EPG5: variants seen among roughly 807,000 people sequenced by gnomAD.
EPG5 encodes ectopic P-granules 5 autophagy tethering factor.
EPG5 carries 159 observed loss-of-function variants against 302.7 expected under a neutral mutation model. The observed-to-expected ratio is 0.53, with a 90% confidence interval of 0.46 to 0.60. The LOEUF is 0.60. Ranked by LOEUF, EPG5 falls within the 20% of genes least tolerant of loss-of-function variation. The pLI is 0.00. For synonymous variants in EPG5, 1,158 were observed against 1,136.8 expected (o/e 1.02, Z -0.37); for missense variants, 2,896 against 3,092.4 (o/e 0.94, Z 1.51).
At chr18:45,824,221 T>C in the EPG5 span, among the ~76,000 whole-genome samples, 8 of 152,096 alleles carry the variant, frequency 5.3e-5, no homozygotes, top group African/African-American at 1.9e-4. Context: ...TTTTATTTTT[T>C]TTTGAGACGG....
chr18:45,852,693 A>ACCTC, intron 43 of EPG5, 44 bp from the exon 44 acceptor site: 1 of 1,538,012 alleles, frequency 6.5e-7, no homozygotes, highest in Non-Finnish European at 8.9e-7. Context: ...ATAGAGGCAC[A>ACCTC]TAATGTGACT....
intron 30 of EPG5, among the ~76,000 whole-genome samples, chr18:45,883,006 T>C (rs1327174059): frequency 8.5e-6 from 1 of 117,952 alleles, no homozygotes; most frequent in African/African-American, 4.0e-5. Flanking sequence ...AAACTGCGTC[T>C]CACAACAAAA....
chr18:45,908,874 G>A (rs57484487), intron 23 of EPG5, among the ~76,000 whole-genome samples: 32,132 of 151,732 alleles, frequency 0.21, 3,781 homozygotes, highest in Admixed American at 0.32. Flanking sequence ...ACTTGAACCC[G>A]GAAGGCAGAG....
chr18:45,809,463 T>C, the EPG5 span, among the ~76,000 whole-genome samples: 2 of 152,206 alleles, frequency 1.3e-5, no homozygotes, highest in Admixed American at 6.5e-5. Context: ...ATAGACCATA[T>C]GATAGGCCAC....
rs372157962 is a variant in EPG5, at chr18:45,882,259, A to C, written c.5518+15T>G. 2.5e-6 allele frequency: 4 copies of C among 1,592,766 alleles called. No homozygotes were observed. Among genetic ancestry groups the C allele is most frequent in the Admixed American group, 3.3e-5 (2 of 59,794 alleles). The stretch of plus-strand genomic sequence containing the variant: ...ACTAAGATCTAGTTAGTTACAATTA[A>C]ATGAAGACACTTACTTTGCATAAGC... On this transcript the variant is annotated intron_variant, in intron 31 of 43. Coordinates refer to ENST00000282041, the MANE Select transcript of EPG5 (RefSeq NM_020964.3).
At chr18:45,912,537 A>G (rs2049929948) in intron 21 of EPG5, 81 bp from the exon 22 acceptor site, 3 of 1,276,464 alleles carry the variant, frequency 2.4e-6, no homozygotes, top group Non-Finnish European at 2.2e-6. Context: ...GATCCAACTG[A>G]AACACCAAAC....
intron 23 of EPG5, among the ~76,000 whole-genome samples, chr18:45,910,218 A>G (rs1039577074): frequency 2.0e-5 from 3 of 152,066 alleles, no homozygotes; most frequent in Non-Finnish European, 4.4e-5. Flanking sequence ...GCAGGCTTTA[A>G]TAGTTGTTTA....
intron 10 of EPG5, among the ~76,000 whole-genome samples, chr18:45,935,497 G>A (rs995054721): frequency 1.3e-5 from 2 of 152,116 alleles, no homozygotes; most frequent in East Asian, 1.9e-4. Flanking sequence ...AGCCAAGATC[G>A]CACCATTGTA....
intron 36 of EPG5, chr18:45,868,265 C>T: frequency 6.7e-6 from 3 of 445,088 alleles, no homozygotes; most frequent in South Asian, 4.7e-5. Flanking sequence ...GCTGATGCTG[C>T]TGTCCCAGGG....
chr18:45,893,321 T>C (rs1248399275), intron 27 of EPG5, among the ~76,000 whole-genome samples: 1 of 152,126 alleles, frequency 6.6e-6, no homozygotes, highest in Non-Finnish European at 1.5e-5. Context: ...TCCCAGCACT[T>C]TGGGAGGCCA....
intron 24 of EPG5, among the ~76,000 whole-genome samples, chr18:45,906,655 A>T (rs1001018126): frequency 1.4e-5 from 2 of 143,580 alleles, no homozygotes; most frequent in Middle Eastern, 3.4e-3. Context: ...CACTCTCGTA[A>T]TTTTTTTTTT....
At chr18:45,942,261 C>G (rs2050684442) in intron 9 of EPG5, among the ~76,000 whole-genome samples, 1 of 151,986 alleles carries the variant, frequency 6.6e-6, no homozygotes, top group Non-Finnish European at 1.5e-5. Context: ...TTTAGGGCAT[C>G]CTATAATCAC....
At chr18:45,807,396 C>T in the EPG5 span, among the ~76,000 whole-genome samples, 1 of 152,196 alleles carries the variant, frequency 6.6e-6, no homozygotes. Context: ...CTCTGGAAAG[C>T]GCCACCTCCT....
At chr18:45,837,700 C>A in the EPG5 span, 1 of 1,479,354 alleles carries the variant, frequency 6.8e-7, no homozygotes. Flanking sequence ...CGGCGCGGGG[C>A]AGCGAGCTCT....
chr18:45,903,407 C>T (rs1354306115), intron 25 of EPG5, among the ~76,000 whole-genome samples: 3 of 152,146 alleles, frequency 2.0e-5, no homozygotes, highest in African/African-American at 2.4e-5. Context: ...ACAACTAACG[C>T]GTTTTGGTTA....
chr18:45,830,396 G>A, the EPG5 span, among the ~76,000 whole-genome samples: 1 of 152,150 alleles, frequency 6.6e-6, no homozygotes, highest in Non-Finnish European at 1.5e-5. Flanking sequence ...GCAATGATGT[G>A]AGAGCTAATG....
At chr18:45,962,644 T>C (rs2051174663) in intron 1 of EPG5, among the ~76,000 whole-genome samples, 1 of 152,160 alleles carries the variant, frequency 6.6e-6, no homozygotes, top group Non-Finnish European at 1.5e-5. Context: ...CATTGAGGAA[T>C]GTAGGTCAGC....
chr18:45,962,703 CAT>C (rs985154991), intron 1 of EPG5, among the ~76,000 whole-genome samples: 1 of 152,154 alleles, frequency 6.6e-6, no homozygotes, highest in African/African-American at 2.4e-5. Flanking sequence ...GGCAACAGCA[CAT>C]GACACTATCC....
At chr18:45,929,095 CAGAA>C (rs1233036892) in intron 12 of EPG5, 86 bp from the exon 13 acceptor site, 4 of 1,330,912 alleles carry the variant, frequency 3.0e-6, no homozygotes, top group Non-Finnish European at 4.2e-6. Context: ...TCAAGCAAAG[CAGAA>C]AGAATCTTAC....
Sources: gnomAD v4.1 joint callset for allele counts (sites outside exome capture counted in the v4.1 genomes callset) on GRCh38, gnomAD v4.1.1 for gene constraint, MANE v1.5 for transcripts, NCBI Gene and HGNC (gene_info 2026-07-23, HGNC 2026-07-21) for gene names.